STPG1: variants seen among roughly 807,000 people sequenced by gnomAD.
STPG1 encodes O(6)-methylguanine-induced apoptosis 2.
STPG1 carries 33 observed loss-of-function variants against 40.1 expected under a neutral mutation model. The ratio of observed to expected loss-of-function variants is 0.82; its 90% confidence interval spans 0.62 to 1.10. The LOEUF is 1.10. STPG1 is among the 50% of genes least tolerant of loss of function. The pLI, the probability that STPG1 is intolerant of heterozygous loss-of-function variation, is 0.00. For missense variants in STPG1, 396 were observed against 415.1 expected (o/e 0.95, Z 0.40); for synonymous variants, 150 against 155.0 (o/e 0.97, Z 0.24).
chr1:24,375,493 G>A (rs947751863), intron 5 of STPG1, among the ~76,000 whole-genome samples: 1 of 152,198 alleles, frequency 6.6e-6, no homozygotes, highest in African/African-American at 2.4e-5. Context: ...CATGCAGAGA[G>A]GGCAAACAAA....
intron 3 of STPG1, among the ~76,000 whole-genome samples, chr1:24,388,027 G>T (rs1339109365): frequency 6.6e-6 from 1 of 152,160 alleles, no homozygotes; most frequent in Non-Finnish European, 1.5e-5. Context: ...ACTATGTAAT[G>T]GTATTAACAT....
chr1:24,370,636 T>G (rs1304651978), intron 6 of STPG1, among the ~76,000 whole-genome samples: 1 of 152,140 alleles, frequency 6.6e-6, no homozygotes, highest in Non-Finnish European at 1.5e-5. Flanking sequence ...GGACTACAGA[T>G]GCCCACCACC....
chr1:24,392,440 C>T (rs1197083453), intron 2 of STPG1, among the ~76,000 whole-genome samples: 3 of 152,176 alleles, frequency 2.0e-5, no homozygotes, highest in Non-Finnish European at 4.4e-5. Context: ...TCTTCAGCTT[C>T]ACCACTCCCT....
intron 1 of STPG1, among the ~76,000 whole-genome samples, chr1:24,402,895 G>A (rs374607760): frequency 1.8e-4 from 28 of 151,988 alleles, no homozygotes; most frequent in African/African-American, 5.6e-4. Context: ...TTTGCTCCCC[G>A]GCTGAGGTTT....
rs1640830272 is a variant in STPG1 at position 24,357,964 on chromosome 1, C to T, written c.*579G>A. 2.9e-6 allele frequency: 1 copy of T among 344,126 alleles called. No homozygotes were observed. Among genetic ancestry groups the T allele is most frequent in the Non-Finnish European group, 5.8e-6 (1 of 173,620 alleles). The allele number at this position is 344,126 out of a possible 1,614,324, so 21.3% of individuals were successfully genotyped here. On this transcript the variant is annotated 3_prime_UTR_variant, in exon 9 of 9. Transcript: ENST00000337248. Reference sequence around the variant, plus strand: ...TAAAAGGAGTAAAGAGAGGTCTTTCCAAACAGGTGGTCACTTTAGAAAGGA... The same window carrying T: ...TAAAAGGAGTAAAGAGAGGTCTTTCTAAACAGGTGGTCACTTTAGAAAGGA...
chr1:24,406,410 T>A (rs150345340), intron 1 of STPG1, among the ~76,000 whole-genome samples: 19 of 152,220 alleles, frequency 1.2e-4, no homozygotes, highest in Non-Finnish European at 2.5e-4. Context: ...CACTCAATTA[T>A]CTTTTAAGGA....
intron 1 of STPG1, among the ~76,000 whole-genome samples, chr1:24,407,107 C>G (rs1643443836): frequency 1.3e-5 from 2 of 152,118 alleles, no homozygotes; most frequent in Non-Finnish European, 2.9e-5. Context: ...CACCATTGTA[C>G]TTTCTATTTC....
intron 8 of STPG1, among the ~76,000 whole-genome samples, chr1:24,360,488 G>C (rs1569958669): frequency 6.6e-6 from 1 of 152,174 alleles, no homozygotes; most frequent in East Asian, 1.9e-4. Context: ...TAAAGAAAAA[G>C]AACTTTTCTG....
At chr1:24,381,584 G>A (rs1642286194) in intron 4 of STPG1, among the ~76,000 whole-genome samples, 1 of 152,234 alleles carries the variant, frequency 6.6e-6, no homozygotes, top group Non-Finnish European at 1.5e-5. Context: ...CTGGAGCAAA[G>A]ATTTGGAATA....
chr1:24,370,910 C>T (rs1478856369), intron 6 of STPG1, among the ~76,000 whole-genome samples: 1 of 152,042 alleles, frequency 6.6e-6, no homozygotes, highest in Non-Finnish European at 1.5e-5. Context: ...TGTGAGCCAT[C>T]ATGCCCAGCT....
intron 3 of STPG1, among the ~76,000 whole-genome samples, chr1:24,384,636 A>G (rs1247602316): frequency 2.0e-5 from 3 of 152,186 alleles, no homozygotes; most frequent in African/African-American, 7.2e-5. Context: ...GCGGGAGCTC[A>G]TCGGGCTTTC....
At position 24,375,901 on chromosome 1, in the gene STPG1, A is replaced by T. The variant is rs1642000465; in HGVS notation, c.463-2091T>A. ...TCAGCAGGTTAAAAAAGACTGAAGC[A>T]GATTTATTGTATTGCCATGGAAAGA... On this transcript the variant is annotated intron_variant, in intron 5 of 8. Coordinates refer to ENST00000337248, the MANE Select transcript of STPG1 (RefSeq NM_001199013.2). Among the ~76,000 whole-genome samples, 7 of 152,258 alleles carry T rather than the reference A, an allele frequency of 4.6e-5. No homozygotes were observed. In the South Asian group the frequency reaches 1.4e-3, roughly 31 times the overall value.
intron 4 of STPG1, among the ~76,000 whole-genome samples, chr1:24,383,149 G>A (rs1277650063): frequency 6.6e-6 from 1 of 152,112 alleles, no homozygotes; most frequent in Admixed American, 6.6e-5. Context: ...CTGGGCTTAA[G>A]TGATCTTCCC....
chr1:24,370,373 T>C (rs575848079), intron 6 of STPG1, among the ~76,000 whole-genome samples: 2 of 151,162 alleles, frequency 1.3e-5, no homozygotes, highest in South Asian at 4.2e-4. Context: ...TGGAATGCAG[T>C]GGCACAATCA....
intron 3 of STPG1, among the ~76,000 whole-genome samples, chr1:24,389,160 T>A (rs537758731): frequency 6.6e-6 from 1 of 152,314 alleles, no homozygotes; most frequent in Admixed American, 6.5e-5. Context: ...CCTGCCTCCT[T>A]GGTTCCTTTA....
intron 6 of STPG1, among the ~76,000 whole-genome samples, chr1:24,372,393 G>A (rs1487689544): frequency 1.3e-5 from 2 of 152,132 alleles, no homozygotes; most frequent in Admixed American, 6.5e-5. Context: ...TGGCACCCAC[G>A]GGGAGCTTAA....
Position 24,373,850 on chromosome 1 carries a change from C to T in STPG1, c.463-40G>A, listed in dbSNP as rs189791810. ...TACACCCAATGTACTCAGTACCTTT[C>T]CTTTCTTTGTCTTCGTCATCATGCC... On this transcript the variant is annotated intron_variant, in intron 5 of 8. Coordinates refer to ENST00000337248, the MANE Select transcript of STPG1 (RefSeq NM_001199013.2). The T allele has an allele frequency of 5.0e-6, 7 of 1,410,624 alleles. No homozygotes were observed. The East Asian group carries it at 1.6e-4, about 33-fold the overall frequency. The allele number at this position is 1,410,624 out of a possible 1,614,324, so 87.4% of individuals were successfully genotyped here. A position where few individuals can be genotyped will look rare whatever the true frequency, so the allele number is the denominator to read the frequency against.
chr1:24,364,421 G>C (rs1641323627), intron 7 of STPG1: 12 of 1,488,882 alleles, frequency 8.1e-6, no homozygotes, highest in Non-Finnish European at 1.1e-5. Context: ...TCACATCTGA[G>C]AGCTCTCAGC....
At chr1:24,370,207 A>C (rs1335604279) in intron 6 of STPG1, among the ~76,000 whole-genome samples, 1 of 152,174 alleles carries the variant, frequency 6.6e-6, no homozygotes, top group Non-Finnish European at 1.5e-5. Flanking sequence ...TTCTCTATAA[A>C]CTAAGAATAA....
Sources: allele counts gnomAD v4.1 joint callset (sites outside exome capture counted in the v4.1 genomes callset), GRCh38; gene constraint gnomAD v4.1.1; transcripts MANE v1.5; gene names NCBI Gene and HGNC (gene_info 2026-07-23, HGNC 2026-07-21).